Variants in NT5E observed in about 807,000 individuals in gnomAD.
The protein encoded by NT5E is 5'-nucleotidase.
In NT5E, 53 loss-of-function variants were observed where a neutral mutation model predicts 55.1. The ratio of observed to expected loss-of-function variants is 0.96; its 90% CI spans 0.77 to 1.21. The LOEUF (loss-of-function observed/expected upper bound fraction) is 1.21. Among genes scored for constraint, NT5E ranks in the 50% most tolerant of loss-of-function variants. NT5E has a pLI of 0.00. For missense variants in NT5E, 683 were observed against 724.3 expected, an observed-to-expected ratio of 0.94 and a Z score of 0.65; for synonymous variants, 270 against 278.4, an observed-to-expected ratio of 0.97 and a Z score of 0.30.
chr6:85,459,354 T>A (rs888353184), intron 1 of NT5E, among the ~76,000 whole-genome samples: 1 of 152,214 alleles, frequency 6.6e-6, no homozygotes, highest in Non-Finnish European at 1.5e-5. Flanking sequence ...GCTAAATAAA[T>A]GTGCTGCAAA....
intron 1 of NT5E, among the ~76,000 whole-genome samples, chr6:85,462,314 A>G (rs892272146): frequency 2.5e-4 from 38 of 151,986 alleles, no homozygotes; most frequent in Non-Finnish European, 4.9e-4. Context: ...ACTTCCCTCA[A>G]AATGAAAGCC....
Position 85,494,271 on chromosome 6 carries a change from C to A in NT5E, c.*267C>A. 1 of 452,822 alleles carries A rather than the reference C, an allele frequency of 2.2e-6. No individual in the cohort carries two copies. The highest frequency in any genetic ancestry group is 3.9e-6 in the Non-Finnish European group (1 of 254,982). The allele number at this position is 452,822 out of a possible 1,614,324, so 28.1% of individuals were successfully genotyped here. ...GTGTCCAAATTTTAATGAAATTTTA[C>A]TAACAATTTTAAACCATATTTTTCT... On this transcript the variant is annotated 3_prime_UTR_variant, in exon 9 of 9. Coordinates refer to ENST00000257770, the MANE Select transcript of NT5E (RefSeq NM_002526.4).
At chr6:85,493,735 AC>A in intron 8 of NT5E, 105 bp from the exon 9 acceptor site, 2 of 902,156 alleles carry the variant, frequency 2.2e-6, no homozygotes, top group Non-Finnish European at 3.6e-6. Flanking sequence ...GTGACACTTT[AC>A]CCCTGCTTAT....
intron 7 of NT5E, chr6:85,491,141 G>C: frequency 1.9e-6 from 1 of 521,780 alleles, no homozygotes; most frequent in Non-Finnish European, 3.9e-6. Context: ...ACTGTGACCT[G>C]GGGCAAGTTC....
intron 4 of NT5E, 81 bp from the exon 5 acceptor site, chr6:85,487,250 TAAGA>T: frequency 8.1e-7 from 1 of 1,231,576 alleles, no homozygotes; most frequent in Non-Finnish European, 1.2e-6. Context: ...TCACAGCAAG[TAAGA>T]TAGATGATGT....
At chr6:85,479,154 A>T (rs555116698) in intron 3 of NT5E, among the ~76,000 whole-genome samples, 1 of 152,300 alleles carries the variant, frequency 6.6e-6, no homozygotes, top group South Asian at 2.1e-4. Flanking sequence ...CTAAACTTGA[A>T]CTGTAATACA....
intron 2 of NT5E, among the ~76,000 whole-genome samples, chr6:85,469,134 A>G (rs900420076): frequency 3.9e-5 from 6 of 152,282 alleles, no homozygotes; most frequent in Admixed American, 2.0e-4. Flanking sequence ...AATCTAATTT[A>G]TTTTAGCTAG....
At chr6:85,462,179 T>C (rs1769111072) in intron 1 of NT5E, among the ~76,000 whole-genome samples, 1 of 151,856 alleles carries the variant, frequency 6.6e-6, no homozygotes, top group Non-Finnish European at 1.5e-5. Context: ...GGGAGAGGTG[T>C]CTTCCTGCCA....
chr6:85,472,091 A>G (rs921562734), intron 3 of NT5E, among the ~76,000 whole-genome samples: 1 of 152,220 alleles, frequency 6.6e-6, no homozygotes, highest in Non-Finnish European at 1.5e-5. Context: ...ATAATGTCCC[A>G]AAACTTTTGA....
intron 3 of NT5E, among the ~76,000 whole-genome samples, chr6:85,482,489 G>T (rs1274676979): frequency 6.6e-6 from 1 of 152,142 alleles, no homozygotes; most frequent in Non-Finnish European, 1.5e-5. Context: ...ACACGAGAAG[G>T]GCAATTGTCC....
At chr6:85,472,720 T>G (rs1041560767) in intron 3 of NT5E, among the ~76,000 whole-genome samples, 3 of 152,228 alleles carry the variant, frequency 2.0e-5, no homozygotes, top group Admixed American at 2.0e-4. Context: ...TAAAAATATG[T>G]CAGTCAAAAT....
At chr6:85,477,185 G>T (rs1426780977) in intron 3 of NT5E, among the ~76,000 whole-genome samples, 1 of 152,054 alleles carries the variant, frequency 6.6e-6, no homozygotes, top group Non-Finnish European at 1.5e-5. Flanking sequence ...AGTCCAGCAG[G>T]CTTCACTTCT....
chr6:85,473,684 G>A (rs1039827726), intron 3 of NT5E, among the ~76,000 whole-genome samples: 2 of 152,092 alleles, frequency 1.3e-5, no homozygotes, highest in African/African-American at 4.8e-5. Flanking sequence ...CAAAGCACAT[G>A]GAATGCACCC....
intron 7 of NT5E, chr6:85,490,974 A>AT: frequency 4.0e-6 from 2 of 497,554 alleles, no homozygotes; most frequent in African/African-American, 3.9e-5. Flanking sequence ...TAAGCATTCA[A>AT]TTATTTTTTT....
chr6:85,450,443 G>A lies in NT5E; in HGVS notation c.304G>A (p.Ala102Thr), dbSNP rs1271768571. The A allele has an allele frequency of 6.2e-7, 1 of 1,601,318 alleles. No homozygotes were observed. The highest frequency in any genetic ancestry group is 2.3e-5 in the East Asian group (1 of 44,414). ...CACCGTGTACAAGGGCGCCGAGGTG[G>A]CGCACTTCATGAACGCCCTGCGCTA... ...WFTVYKGAEV[A>T]HFMNALRYDA... is the part of the protein sequence containing the mutation. Residue 102 changes from alanine to threonine, a missense_variant, in exon 1 of 9, where the codon GCG (alanine) becomes ACG (threonine). By Grantham distance (58) the Ala-to-Thr change is moderately conservative (BLOSUM62 0). Transcript: ENST00000257770. This position sits in a 1 kb window ranked among gnomAD's most constrained non-coding sequence, Gnocchi z 4.0.
At chr6:85,474,231 G>A (rs998050464) in intron 3 of NT5E, among the ~76,000 whole-genome samples, 1 of 152,170 alleles carries the variant, frequency 6.6e-6, no homozygotes, top group Non-Finnish European at 1.5e-5. Flanking sequence ...CAATGTAAAT[G>A]ATATGTAAAT....
At chr6:85,464,476 G>A (rs1446024173) in intron 1 of NT5E, among the ~76,000 whole-genome samples, 1 of 152,162 alleles carries the variant, frequency 6.6e-6, no homozygotes, top group Non-Finnish European at 1.5e-5. Context: ...CGGAGCCTGG[G>A]AGGGAGCTAC....
intron 1 of NT5E, among the ~76,000 whole-genome samples, chr6:85,452,905 C>G (rs1706223706): frequency 6.6e-6 from 1 of 152,140 alleles, no homozygotes; most frequent in Admixed American, 6.5e-5. Flanking sequence ...CTCCAGTTTC[C>G]TGGAGACTGG....
At chr6:85,471,608 A>G (rs1349968118) in intron 3 of NT5E, 183 bp downstream of exon 3, 1 of 305,340 alleles carries the variant, frequency 3.3e-6, no homozygotes. Context: ...AACATTACTA[A>G]GAATTTATTG....
Sources: gnomAD v4.1 joint callset for allele counts (sites outside exome capture counted in the v4.1 genomes callset) on GRCh38, gnomAD v4.1.1 for gene constraint, Gnocchi (gnomAD v3.1) non-coding constraint, MANE v1.5 for transcripts, NCBI Gene and HGNC (gene_info 2026-07-23, HGNC 2026-07-21) for gene names.